SFMBT1: variants seen among roughly 807,000 people sequenced by gnomAD.
SFMBT1 encodes the protein scm-like with four MBT domains protein 1.
Under a neutral mutation model 108.7 loss-of-function variants are expected in SFMBT1, and 32 were observed. The observed-to-expected ratio is 0.29, with a 90% CI of 0.22 to 0.40. SFMBT1 has a LOEUF of 0.40. Among genes scored for constraint, SFMBT1 ranks in the 10% least tolerant of loss-of-function variants. The pLI, the probability that SFMBT1 is intolerant of heterozygous loss-of-function variation, is 1.00. For missense variants in SFMBT1, 816 were observed against 1,059.6 expected (o/e 0.77, Z 3.19); for synonymous variants, 348 against 369.5 (o/e 0.94, Z 0.67).
intron 1 of SFMBT1, among the ~76,000 whole-genome samples, chr3:53,015,766 T>A (rs1261292017): frequency 1.3e-5 from 2 of 152,288 alleles, no homozygotes; most frequent in East Asian, 3.9e-4. Context: ...AGTGGTTGCC[T>A]TAGGCTGAAA....
chr3:52,991,455 G>A (rs916585335), intron 1 of SFMBT1, among the ~76,000 whole-genome samples: 1 of 142,230 alleles, frequency 7.0e-6, no homozygotes, highest in East Asian at 2.2e-4. Flanking sequence ...AGCAATTATC[G>A]TGCCTCAGCC....
chr3:53,044,955 G>A (rs1700167015), intron 1 of SFMBT1: 1 of 152,300 alleles, frequency 6.6e-6, no homozygotes, highest in Non-Finnish European at 1.5e-5. Context: ...CATCCTTTCC[G>A]CGGGAATTTA....
At chr3:52,922,043 G>A (rs1430481573) in intron 10 of SFMBT1, among the ~76,000 whole-genome samples, 1 of 152,196 alleles carries the variant, frequency 6.6e-6, no homozygotes, top group Non-Finnish European at 1.5e-5. Context: ...TTTGATGTCA[G>A]ATATTCCTGC....
intron 2 of SFMBT1, among the ~76,000 whole-genome samples, chr3:52,968,203 T>C (rs1400196531): frequency 6.6e-6 from 1 of 152,234 alleles, no homozygotes; most frequent in Non-Finnish European, 1.5e-5. Context: ...TGTGTTATTC[T>C]ATTTATGTAA....
intron 1 of SFMBT1, among the ~76,000 whole-genome samples, chr3:52,983,584 CAG>C (rs1377897525): frequency 1.4e-4 from 22 of 152,170 alleles, no homozygotes; most frequent in Admixed American, 1.2e-3. Flanking sequence ...CTACTTTTAA[CAG>C]AGTGATCAAA....
chr3:52,960,586 A>G (rs1318824922), intron 2 of SFMBT1, among the ~76,000 whole-genome samples: 1 of 152,066 alleles, frequency 6.6e-6, no homozygotes, highest in Non-Finnish European at 1.5e-5. Flanking sequence ...ACTGTACAGT[A>G]CTTCCTCAAA....
At chr3:52,972,204 C>T (rs1420590470) in intron 1 of SFMBT1, among the ~76,000 whole-genome samples, 2 of 152,160 alleles carry the variant, frequency 1.3e-5, no homozygotes, top group Non-Finnish European at 2.9e-5. Flanking sequence ...TGCAGAGAGC[C>T]ACAAAGTACA....
intron 1 of SFMBT1, among the ~76,000 whole-genome samples, chr3:53,004,819 A>T (rs1219550235): frequency 7.5e-6 from 1 of 132,806 alleles, no homozygotes; most frequent in African/African-American, 2.5e-5. Flanking sequence ...GCTAAGCTGA[A>T]GCAGCCATCC....
Position 52,951,330 on chromosome 3 carries a change from A to C in SFMBT1, c.123+2987T>G, listed in dbSNP as rs535903211. Among the ~76,000 whole-genome samples the C allele has an allele frequency of 4.3e-4, 65 of 152,234 alleles. 1 individual carries two copies. The South Asian group carries it at 0.013, about 31-fold the overall frequency. ...TGTGTATCAAGCAAAATTATCCTTA[A>C]AAAGTACTAAAGATTTTCTCAGGCA... On this transcript the variant is annotated intron_variant, in intron 3 of 20. Transcript: ENST00000394752.
At chr3:52,928,559 G>C (rs1232213391) in intron 8 of SFMBT1, 1 of 333,084 alleles carries the variant, frequency 3.0e-6, no homozygotes, top group Admixed American at 5.0e-5. Flanking sequence ...AACTGAATGA[G>C]GTAAGTACAT....
rs10646648 is a variant in SFMBT1 at position 52,974,833 on chromosome 3, TA to T, written c.-130-5576del. Among the ~76,000 whole-genome samples the T allele has an allele frequency of 3.4e-3, 312 of 90,686 alleles. 1 individual carries two copies. Among genetic ancestry groups the T allele is most frequent in the Middle Eastern group, 0.012 (2 of 164 alleles). 59.5% of individuals were successfully genotyped at this position (90,686 alleles called of 152,430 possible). On this transcript the variant is annotated intron_variant, in intron 1 of 20. Coordinates refer to ENST00000394752, the MANE Select transcript of SFMBT1 (RefSeq NM_016329.4). ...GGCAAGACCCTGTCTCTATAAAAAGTAAAAAAAAAAAAAAAAAAAAAAAATT... is the reference window on the plus strand; with the variant it reads ...GGCAAGACCCTGTCTCTATAAAAAGTAAAAAAAAAAAAAAAAAAAAAAATT...
chr3:52,983,197 A>G (rs1479091898), intron 1 of SFMBT1, among the ~76,000 whole-genome samples: 1 of 152,070 alleles, frequency 6.6e-6, no homozygotes, highest in Non-Finnish European at 1.5e-5. Context: ...AGCCTACCCA[A>G]CGTGAAGATG....
chr3:53,040,065 T>C (rs1054205257), intron 1 of SFMBT1, among the ~76,000 whole-genome samples: 1 of 152,144 alleles, frequency 6.6e-6, no homozygotes. Flanking sequence ...ATACTATTTT[T>C]AACACAGAAA....
At chr3:52,995,062 GGAAAA>G (rs1266064749) in intron 1 of SFMBT1, among the ~76,000 whole-genome samples, 2 of 145,860 alleles carry the variant, frequency 1.4e-5, no homozygotes, top group African/African-American at 5.0e-5. Context: ...GGAAAGAAAA[GGAAAA>G]GAAAAGCCTG....
chr3:53,014,426 C>T (rs1699056585), intron 1 of SFMBT1, among the ~76,000 whole-genome samples: 3 of 151,926 alleles, frequency 2.0e-5, no homozygotes, highest in African/African-American at 4.8e-5. Context: ...GCCGTGATCA[C>T]ACCACTGCAC....
chr3:53,000,469 T>G (rs533399849), intron 1 of SFMBT1, among the ~76,000 whole-genome samples: 2 of 150,152 alleles, frequency 1.3e-5, no homozygotes, highest in African/African-American at 4.8e-5. Context: ...AATGTCTTAT[T>G]CTTAGAGATG....
intron 17 of SFMBT1, among the ~76,000 whole-genome samples, chr3:52,908,911 T>A (rs1033774059): frequency 2.6e-5 from 4 of 152,178 alleles, no homozygotes; most frequent in African/African-American, 9.7e-5. Flanking sequence ...ATTATAACTT[T>A]ATGGTTAAAA....
chr3:53,004,797 A>T (rs1005211367), intron 1 of SFMBT1, among the ~76,000 whole-genome samples: 2 of 134,352 alleles, frequency 1.5e-5, no homozygotes, highest in Admixed American at 1.6e-4. Context: ...ATGCCAGCCA[A>T]CACACACATG....
intron 1 of SFMBT1, among the ~76,000 whole-genome samples, chr3:53,006,623 C>T (rs553067234): frequency 8.6e-4 from 114 of 131,882 alleles, no homozygotes; most frequent in South Asian, 6.6e-3. Flanking sequence ...AGCAAAACTC[C>T]GTCTCAAAAA....
Sources: gnomAD v4.1 joint callset for allele counts (sites outside exome capture counted in the v4.1 genomes callset) on GRCh38, gnomAD v4.1.1 for gene constraint, MANE v1.5 for transcripts, NCBI Gene and HGNC (gene_info 2026-07-23, HGNC 2026-07-21) for gene names.